Variants in CSMD3 observed in about 807,000 individuals in gnomAD.
CSMD3 encodes the protein CUB and Sushi multiple domains 3.
CSMD3 carries 177 observed loss-of-function variants against 435.2 expected under a neutral mutation model. The observed-to-expected ratio is 0.41, with a 90% CI of 0.36 to 0.46. The LOEUF (loss-of-function observed/expected upper bound fraction) is 0.46, where lower values mean the gene tolerates loss of function less well. Among genes scored for constraint, CSMD3 ranks in the 20% least tolerant of loss-of-function variants. CSMD3 has a pLI of 0.34. For synonymous variants in CSMD3, 1,656 were observed against 1,520.5 expected, an observed-to-expected ratio of 1.09 and a Z score of -2.07; for missense variants, 4,265 against 4,504.6, an observed-to-expected ratio of 0.95 and a Z score of 1.52.
At chr8:113,434,846 T>C (rs2094695742) in intron 1 of CSMD3, among the ~76,000 whole-genome samples, 1 of 152,178 alleles carries the variant, frequency 6.6e-6, no homozygotes, top group Non-Finnish European at 1.5e-5. Flanking sequence ...TTAGTCAGGC[T>C]GTAATGCTCG....
At chr8:113,419,483 A>G (rs2094599206) in intron 1 of CSMD3, among the ~76,000 whole-genome samples, 1 of 152,064 alleles carries the variant, frequency 6.6e-6, no homozygotes, top group South Asian at 2.1e-4. Flanking sequence ...TCATCTGGTG[A>G]TTTTTGAAGG....
At chr8:113,361,068 T>A (rs896108237) in intron 1 of CSMD3, among the ~76,000 whole-genome samples, 1 of 152,318 alleles carries the variant, frequency 6.6e-6, no homozygotes, top group East Asian at 1.9e-4. Flanking sequence ...TTATTTTAGA[T>A]GGCATCTTTA....
At chr8:112,290,981 A>G (rs1563745419) in intron 56 of CSMD3, among the ~76,000 whole-genome samples, 2 of 152,150 alleles carry the variant, frequency 1.3e-5, no homozygotes, top group South Asian at 2.1e-4. Flanking sequence ...TCCTATCATA[A>G]CATATAACAA....
At chr8:112,615,448 T>G (rs948391352) in intron 22 of CSMD3, among the ~76,000 whole-genome samples, 2 of 151,666 alleles carry the variant, frequency 1.3e-5, no homozygotes, top group East Asian at 1.9e-4. Flanking sequence ...TAATTGAGAG[T>G]TTTTTTTATC....
At chr8:113,355,420 A>T (rs887120470) in intron 1 of CSMD3, among the ~76,000 whole-genome samples, 1 of 152,090 alleles carries the variant, frequency 6.6e-6, no homozygotes, top group Non-Finnish European at 1.5e-5. Flanking sequence ...AGATCAAGGT[A>T]TCAAGATGCC....
chr8:112,876,072 A>G (rs2081273152), intron 10 of CSMD3, among the ~76,000 whole-genome samples: 1 of 152,050 alleles, frequency 6.6e-6, no homozygotes, highest in African/African-American at 2.4e-5. Flanking sequence ...ACGGTCTTTG[A>G]TGTCGGTGAC....
At chr8:113,389,838 C>T (rs1200779601) in intron 1 of CSMD3, among the ~76,000 whole-genome samples, 1 of 151,738 alleles carries the variant, frequency 6.6e-6, no homozygotes, top group East Asian at 1.9e-4. Context: ...TTACCCTTCC[C>T]TCTTTGAAAA....
chr8:112,895,116 T>C (rs1343439350), intron 10 of CSMD3, among the ~76,000 whole-genome samples: 3 of 151,406 alleles, frequency 2.0e-5, no homozygotes, highest in Admixed American at 6.6e-5. Context: ...TCCCTCTTTT[T>C]GAGACAGTCT....
intron 1 of CSMD3, among the ~76,000 whole-genome samples, chr8:113,358,324 G>A (rs2094247063): frequency 6.6e-6 from 1 of 152,308 alleles, no homozygotes; most frequent in Non-Finnish European, 1.5e-5. Context: ...TGCAAAAGCT[G>A]TACTGCACAC....
At chr8:113,276,758 A>G (rs1485613112) in intron 3 of CSMD3, among the ~76,000 whole-genome samples, 1 of 152,086 alleles carries the variant, frequency 6.6e-6, no homozygotes, top group East Asian at 1.9e-4. Context: ...ATTGAACAAG[A>G]TACTGTGAAT....
intron 58 of CSMD3, among the ~76,000 whole-genome samples, chr8:112,282,337 T>C (rs1424927036): frequency 6.6e-6 from 1 of 152,024 alleles, no homozygotes; most frequent in African/African-American, 2.4e-5. Context: ...TAGATAATAT[T>C]TTAAGCAGAA....
At position 112,612,709 on chromosome 8, in the gene CSMD3, C is replaced by CTTTTTTTTTTTTTTTTTTT. The variant is rs532290154; in HGVS notation, c.3715+24089_3715+24107dup. Among the ~76,000 whole-genome samples the CTTTTTTTTTTTTTTTTTTT allele has an allele frequency of 1.2e-4, 8 of 65,886 alleles. 1 individual carries two copies. The highest frequency in any genetic ancestry group is 1.7e-4 in the African/African-American group (3 of 17,190). 43.2% of individuals were successfully genotyped at this position (65,886 alleles called of 152,430 possible). A position where few individuals can be genotyped will look rare whatever the true frequency, so the allele number is the denominator to read the frequency against. On this transcript the variant is annotated intron_variant, in intron 22 of 70. Coordinates refer to ENST00000297405, the MANE Select transcript of CSMD3 (RefSeq NM_198123.2). The stretch of plus-strand genomic sequence containing the variant: ...TTTCTGAACTCTTTCTTTCTTTGTT[C>CTTTTTTTTTTTTTTTTTTT]TTTTTTTTTTTTTTTTTTTTTTTTT...
At chr8:113,254,578 C>T (rs1441680195) in intron 3 of CSMD3, among the ~76,000 whole-genome samples, 1 of 152,182 alleles carries the variant, frequency 6.6e-6, no homozygotes, top group East Asian at 1.9e-4. Context: ...CCATCACCTC[C>T]TTAAGCTAGT....
chr8:113,126,270 A>G (rs552639688), intron 4 of CSMD3, among the ~76,000 whole-genome samples: 3 of 152,054 alleles, frequency 2.0e-5, no homozygotes, highest in African/African-American at 7.2e-5. Flanking sequence ...ACAAGGCCAG[A>G]ATGAGAGAAA....
At chr8:113,427,655 C>A (rs2927871) in intron 1 of CSMD3, among the ~76,000 whole-genome samples, 1 of 151,300 alleles carries the variant, frequency 6.6e-6, no homozygotes, top group Non-Finnish European at 1.5e-5. Context: ...AACTAAAGGA[C>A]ACTTATGGAC....
chr8:112,527,516 T>C (rs368848834), intron 27 of CSMD3, among the ~76,000 whole-genome samples: 3 of 152,088 alleles, frequency 2.0e-5, no homozygotes, highest in East Asian at 3.9e-4. Context: ...TCTTGAGTAG[T>C]TGATAAAATA....
At chr8:113,316,248 A>T (rs1217019057) in intron 1 of CSMD3, among the ~76,000 whole-genome samples, 2 of 152,182 alleles carry the variant, frequency 1.3e-5, no homozygotes, top group Admixed American at 6.5e-5. Flanking sequence ...GCTGTAAATC[A>T]GAGTTATCAA....
At chr8:113,055,470 C>T (rs1024039640) in intron 5 of CSMD3, among the ~76,000 whole-genome samples, 1 of 152,148 alleles carries the variant, frequency 6.6e-6, no homozygotes, top group Non-Finnish European at 1.5e-5. Context: ...ACCTTCTTTT[C>T]TGAGTGTGCA....
intron 47 of CSMD3, among the ~76,000 whole-genome samples, chr8:112,316,091 T>C (rs558922773): frequency 1.4e-4 from 21 of 151,952 alleles, no homozygotes; most frequent in Admixed American, 6.6e-4. Flanking sequence ...TCTATAAACA[T>C]GTTAATAACT....
Sources: allele counts gnomAD v4.1 joint callset (sites outside exome capture counted in the v4.1 genomes callset), GRCh38; gene constraint gnomAD v4.1.1; transcripts MANE v1.5; gene names NCBI Gene and HGNC (gene_info 2026-07-23, HGNC 2026-07-21).